Variants in PCDHGA6 observed in about 807,000 individuals in gnomAD.
The protein encoded by PCDHGA6 is protocadherin gamma-A6.
PCDHGA6 carries 41 observed loss-of-function variants against 60.6 expected under a neutral mutation model. The ratio of observed to expected loss-of-function variants is 0.68; its 90% confidence interval spans 0.53 to 0.88. PCDHGA6 has a LOEUF of 0.88. Among genes scored for constraint, PCDHGA6 ranks in the 40% least tolerant of loss-of-function variants. The pLI is 0.00. For synonymous variants in PCDHGA6, 594 were observed against 524.4 expected, an observed-to-expected ratio of 1.13 and a Z score of -1.81; for missense variants, 1,312 against 1,203.0, an observed-to-expected ratio of 1.09 and a Z score of -1.34.
chr5:141,422,563 G>A, intron 1 of PCDHGA6: 3 of 1,613,986 alleles, frequency 1.9e-6, no homozygotes, highest in African/African-American at 1.3e-5. Flanking sequence ...TGTGGCAGAT[G>A]ACAACGATAA....
chr5:141,444,013 C>T (rs1226458485), intron 1 of PCDHGA6, among the ~76,000 whole-genome samples: 2 of 152,060 alleles, frequency 1.3e-5, no homozygotes, highest in Admixed American at 6.6e-5. Flanking sequence ...TGGGTATTGG[C>T]TTCTAAAAGG....
At chr5:141,503,802 G>A (rs2099831646) in intron 2 of PCDHGA6, among the ~76,000 whole-genome samples, 1 of 151,998 alleles carries the variant, frequency 6.6e-6, no homozygotes, top group South Asian at 2.1e-4. Context: ...CTTAGGGACG[G>A]GGAATCCCAG....
In PCDHGA6 at chr5:141,384,908, A is replaced by C. The variant is rs868472813; in HGVS notation, c.2424+8401A>C. 24 of 1,613,860 alleles carry C rather than the reference A, an allele frequency of 1.5e-5. 1 individual carries two copies. The highest frequency in any genetic ancestry group is 9.9e-5 in the South Asian group (9 of 91,086). ...GTGGCTGTGGCTGACAGCATCCCCG[A>C]AGTCTTGGCCGACCTGGGCAGCCTT... On this transcript the variant is annotated intron_variant, in intron 1 of 3. Coordinates refer to ENST00000517434, the MANE Select transcript of PCDHGA6 (RefSeq NM_018919.3).
At chr5:141,404,147 G>C in intron 1 of PCDHGA6, 1 of 1,612,990 alleles carries the variant, frequency 6.2e-7, no homozygotes, top group African/African-American at 1.3e-5. Context: ...AAATTCAGAA[G>C]AAGATTATTA....
intron 3 of PCDHGA6, among the ~76,000 whole-genome samples, chr5:141,510,538 G>A (rs1423013528): frequency 1.3e-5 from 2 of 152,216 alleles, no homozygotes; most frequent in East Asian, 1.9e-4. Context: ...AAATACCAGC[G>A]AATGTGTTTT....
At chr5:141,393,114 C>A (rs750579370) in intron 1 of PCDHGA6, 3 of 1,613,300 alleles carry the variant, frequency 1.9e-6, no homozygotes, top group South Asian at 2.2e-5. Context: ...TCAGAGCCCG[C>A]GGTGTCTGAT....
intron 1 of PCDHGA6, chr5:141,409,896 C>T (rs1181128940): frequency 6.2e-7 from 1 of 1,613,240 alleles, no homozygotes; most frequent in East Asian, 2.2e-5. Flanking sequence ...GTGCTGTACC[C>T]AGCTCTGGGT....
Position 141,374,125 on chromosome 5 carries a change from C to A in PCDHGA6, c.42C>A (p.Val14=). ...PQRHPQRSEQ[V]LLLTLLGTLW... ...GGCATCCGCAGCGCAGCGAGCAGGTCCTGCTCCTCACGCTCCTGGGGACGC... is the reference window on the plus strand; with the variant it reads ...GGCATCCGCAGCGCAGCGAGCAGGTACTGCTCCTCACGCTCCTGGGGACGC... The change falls in exon 1 of 4, where the codon GTC becomes GTA. Residue 14 remains valine, a synonymous_variant. Coordinates refer to ENST00000517434, the MANE Select transcript of PCDHGA6 (RefSeq NM_018919.3). The A allele has an allele frequency of 6.2e-7, 1 of 1,602,448 alleles. No individual in the cohort carries two copies. The highest frequency in any genetic ancestry group is 2.2e-5 in the East Asian group (1 of 44,622).
Position 141,485,465 on chromosome 5 carries a change from C to T in PCDHGA6, c.2425-9342C>T. ...AATCGACCGAGAGGCACTGTGTGGG[C>T]TCAGTGCCAGCTGCATCGTGCCCCT... On this transcript the variant is annotated intron_variant, in intron 1 of 3. Coordinates refer to ENST00000517434, the MANE Select transcript of PCDHGA6 (RefSeq NM_018919.3). This position sits in a 1 kb window ranked among gnomAD's most constrained non-coding sequence, Gnocchi z 5.7. 6.2e-7 allele frequency: 1 copy of T among 1,614,162 alleles called. No homozygotes were observed.
chr5:141,508,409 G>T (rs143032030), intron 3 of PCDHGA6: 4 of 152,276 alleles, frequency 2.6e-5, no homozygotes, highest in South Asian at 2.1e-4. Context: ...CTTGAGCCAC[G>T]CAGAGACTTG....
chr5:141,460,505 A>T (rs1430823912), intron 1 of PCDHGA6, among the ~76,000 whole-genome samples: 1 of 152,150 alleles, frequency 6.6e-6, no homozygotes, highest in Non-Finnish European at 1.5e-5. Context: ...ATATGCTGAG[A>T]AGGCTATCTT....
At chr5:141,419,246 GAAAACAACCAGCC>G (rs749331717) in intron 1 of PCDHGA6, 1 of 1,614,004 alleles carries the variant, frequency 6.2e-7, no homozygotes, top group South Asian at 1.1e-5. Flanking sequence ...CCACGTGCCA[GAAAACAACCAGCC>G]GGGTGCCTCC....
chr5:141,474,135 G>C (rs1032470573), intron 1 of PCDHGA6, among the ~76,000 whole-genome samples: 2 of 152,062 alleles, frequency 1.3e-5, no homozygotes, highest in Admixed American at 1.3e-4. Context: ...GAAAACTACA[G>C]GCCTTATTAT....
intron 1 of PCDHGA6, chr5:141,492,055 G>C (rs1335131646): frequency 4.1e-6 from 2 of 493,506 alleles, no homozygotes; most frequent in Non-Finnish European, 7.1e-6. Flanking sequence ...CACCCCTGCA[G>C]CCAGCCTCCT....
Position 141,375,594 on chromosome 5 carries a change from A to T in PCDHGA6, c.1511A>T (p.Tyr504Phe). 6.2e-7 allele frequency: 1 copy of T among 1,613,890 alleles called. No homozygotes were observed. Among genetic ancestry groups the T allele is most frequent in the Non-Finnish European group, 8.5e-7 (1 of 1,179,926 alleles). ...CTCCAGGGGGCGCCCCTGTCCTCCT[A>T]CGTGTCCATCAACTCCGACACTGGG... is the stretch of plus-strand genomic sequence containing the variant. ...DTLQGAPLSS[Y>F]VSINSDTGIL... Residue 504 changes from tyrosine (Y) to phenylalanine (F), a missense_variant, in exon 1 of 4, where the codon TAC becomes TTC. Coordinates refer to ENST00000517434, the MANE Select transcript of PCDHGA6 (RefSeq NM_018919.3).
intron 1 of PCDHGA6, chr5:141,403,146 G>A (rs1400601984): frequency 1.9e-6 from 3 of 1,613,938 alleles, no homozygotes; most frequent in African/African-American, 2.7e-5. Flanking sequence ...CGCCGAGTCC[G>A]CATCGTCTCT....
At chr5:141,501,402 G>A (rs527659990) in intron 2 of PCDHGA6, among the ~76,000 whole-genome samples, 5 of 151,740 alleles carry the variant, frequency 3.3e-5, no homozygotes, top group Non-Finnish European at 7.4e-5. Flanking sequence ...ACAGGCCACT[G>A]CTTGGAAAAT....
At position 141,485,532 on chromosome 5, in the gene PCDHGA6, A is replaced by C. The variant is rs1360942348; in HGVS notation, c.2425-9275A>C. 6.2e-7 allele frequency: 1 copy of C among 1,614,108 alleles called. No individual in the cohort carries two copies. The highest frequency in any genetic ancestry group is 1.7e-5 in the Admixed American group (1 of 60,000). ...GGTCCTTTGGAAATGTACCGAGCAG[A>C]GGTAGAGATCGTAGATGTGAATGAT... On this transcript the variant is annotated intron_variant, in intron 1 of 3. Transcript: ENST00000517434. This position sits in a 1 kb window ranked among gnomAD's most constrained non-coding sequence, Gnocchi z 5.7.
intron 1 of PCDHGA6, chr5:141,398,850 A>T (rs2093714845): frequency 6.2e-7 from 1 of 1,613,864 alleles, no homozygotes; most frequent in East Asian, 2.2e-5. Context: ...ATCCCCCGGT[A>T]TTCAACCGAG....
Sources: gnomAD v4.1 joint callset for allele counts (sites outside exome capture counted in the v4.1 genomes callset) on GRCh38, gnomAD v4.1.1 for gene constraint, Gnocchi (gnomAD v3.1) non-coding constraint, MANE v1.5 for transcripts, NCBI Gene and HGNC (gene_info 2026-07-23, HGNC 2026-07-21) for gene names.